The following RPA3 variants were observed in gnomAD, a reference collection of about 807,000 sequenced individuals.
The protein encoded by RPA3 is replication protein A 14 kDa subunit.
A neutral mutation model predicts 13.7 loss-of-function variants in RPA3; 24 were observed. The ratio of observed to expected loss-of-function variants is 1.75; its 90% CI spans 1.27 to 2.46. The LOEUF (loss-of-function observed/expected upper bound fraction) is 2.46, where lower values mean the gene tolerates loss of function less well. RPA3 is among the 30% of genes most tolerant of loss of function. RPA3 has a pLI of 0.00. For synonymous variants in RPA3, 59 were observed against 51.2 expected, an observed-to-expected ratio of 1.15 and a Z score of -0.65; for missense variants, 183 against 151.0, an observed-to-expected ratio of 1.21 and a Z score of -1.11.
rs1488607391 is a variant in RPA3, at chr7:7,686,009, A to T, written c.-926-11T>A. On this transcript the variant is annotated splice_polypyrimidine_tract_variant and intron_variant, in intron 3 of 7. Transcript: ENST00000223129. Reference sequence around the variant, plus strand: ...GGGCCTTGCCCACACCTAGTGAAACAGAATTTTGGGAGCTATAGCCAGAGA... The same window carrying T: ...GGGCCTTGCCCACACCTAGTGAAACTGAATTTTGGGAGCTATAGCCAGAGA... 3 of 152,232 alleles carry T rather than the reference A, an allele frequency of 2.0e-5. No individual in the cohort carries two copies. The highest frequency in any genetic ancestry group is 7.2e-5 in the African/African-American group (3 of 41,470). The allele number at this position is 152,232 out of a possible 1,614,324, so 9.4% of individuals were successfully genotyped here.
At chr7:7,676,248 A>G in intron 4 of RPA3, 1 of 398,418 alleles carries the variant, frequency 2.5e-6, no homozygotes, top group Non-Finnish European at 4.4e-6. Flanking sequence ...ATATCTAGGA[A>G]ATGAGCACGA....
At chr7:7,703,062 A>G (rs1328484346) in intron 2 of RPA3, among the ~76,000 whole-genome samples, 1 of 152,186 alleles carries the variant, frequency 6.6e-6, no homozygotes, top group Non-Finnish European at 1.5e-5. Context: ...TACTACACTG[A>G]GTTTACTGCC....
At chr7:7,684,301 A>T (rs1324461308) in intron 4 of RPA3, among the ~76,000 whole-genome samples, 1 of 151,898 alleles carries the variant, frequency 6.6e-6, no homozygotes, top group Non-Finnish European at 1.5e-5. Context: ...TCCCGCGTTC[A>T]AGCAATTCTC....
chr7:7,676,868 G>A (rs1779754039), intron 4 of RPA3, among the ~76,000 whole-genome samples: 1 of 152,040 alleles, frequency 6.6e-6, no homozygotes, highest in South Asian at 2.1e-4. Flanking sequence ...TGTCTTTAAA[G>A]TTATAGTTAA....
intron 4 of RPA3, among the ~76,000 whole-genome samples, chr7:7,644,291 T>C (rs998080264): frequency 1.1e-4 from 16 of 152,092 alleles, no homozygotes; most frequent in Non-Finnish European, 1.9e-4. Context: ...TAGTGAGATA[T>C]TGTAATGGTA....
intron 4 of RPA3, chr7:7,673,410 G>GCC: frequency 9.2e-7 from 1 of 1,085,058 alleles, no homozygotes; most frequent in East Asian, 2.6e-5. Context: ...AATCTAAAAA[G>GCC]CCCTCAGTAC....
chr7:7,671,978 C>A (rs1279515053), intron 4 of RPA3, among the ~76,000 whole-genome samples: 1 of 152,056 alleles, frequency 6.6e-6, no homozygotes, highest in South Asian at 2.1e-4. Flanking sequence ...TTCTAGCAAC[C>A]AATAGATTCC....
At chr7:7,653,015 T>A (rs1281584093) in intron 4 of RPA3, among the ~76,000 whole-genome samples, 1 of 152,254 alleles carries the variant, frequency 6.6e-6, no homozygotes, top group Non-Finnish European at 1.5e-5. Flanking sequence ...TCTAGAGAGT[T>A]GTAAAGAGGT....
At chr7:7,677,875 G>A (rs993749592) in intron 4 of RPA3, among the ~76,000 whole-genome samples, 26 of 150,984 alleles carry the variant, frequency 1.7e-4, no homozygotes, top group Middle Eastern at 3.4e-3. Flanking sequence ...GGGTTTCACC[G>A]TTTTAGCCGG....
At chr7:7,645,834 C>G (rs1216613828) in intron 4 of RPA3, among the ~76,000 whole-genome samples, 1 of 143,836 alleles carries the variant, frequency 7.0e-6, no homozygotes, top group Non-Finnish European at 1.5e-5. Flanking sequence ...TTTTTTTAAT[C>G]TATGTTCATG....
intron 2 of RPA3, among the ~76,000 whole-genome samples, chr7:7,704,766 C>CAAAAGA (rs1780555383): frequency 5.6e-5 from 1 of 17,826 alleles, no homozygotes; most frequent in African/African-American, 2.1e-4. Flanking sequence ...GACTCCATCT[C>CAAAAGA]AAAAAAAAAA....
At chr7:7,646,798 C>G (rs146077277) in intron 4 of RPA3, among the ~76,000 whole-genome samples, 1 of 152,134 alleles carries the variant, frequency 6.6e-6, no homozygotes, top group Admixed American at 6.5e-5. Context: ...TTCCTCTCTT[C>G]TCTCCTCTGC....
Position 7,709,234 on chromosome 7 carries a change from ATGT to A in RPA3, c.-1028+5938_-1028+5940del, listed in dbSNP as rs1294734939. Among the ~76,000 whole-genome samples, 10 of 152,294 alleles carry A rather than the reference ATGT, an allele frequency of 6.6e-5. 1 individual carries two copies. Among genetic ancestry groups the A allele is most frequent in the African/African-American group, 2.4e-4 (10 of 41,562 alleles). The stretch of plus-strand genomic sequence containing the variant: ...TTTATCTCAATTATATGTGTGAATA[ATGT>A]TATGCATGGGGTTACTTTTAATATG... On this transcript the variant is annotated intron_variant, in intron 2 of 7. Transcript: ENST00000223129.
intron 2 of RPA3, among the ~76,000 whole-genome samples, chr7:7,712,634 T>C (rs1780794588): frequency 1.3e-5 from 2 of 152,320 alleles, no homozygotes; most frequent in African/African-American, 4.8e-5. Context: ...GAATAGTGAG[T>C]TTTGTTTCAT....
At chr7:7,702,397 A>G (rs142255707) in intron 2 of RPA3, among the ~76,000 whole-genome samples, 132 of 152,216 alleles carry the variant, frequency 8.7e-4, no homozygotes, top group African/African-American at 3.1e-3. Flanking sequence ...TATTTTTTAA[A>G]TTGATATTTT....
rs1378874797 is a variant in RPA3, at chr7:7,641,184, A to C, written c.-757-9T>G. On this transcript the variant is annotated splice_polypyrimidine_tract_variant and intron_variant, in intron 4 of 7. Transcript: ENST00000223129. ...TTCTCCACTTTCTCCACCTGTAAGAAGAGAGATTGATCCGATTACTTCTAA... is the reference window on the plus strand; with the variant it reads ...TTCTCCACTTTCTCCACCTGTAAGACGAGAGATTGATCCGATTACTTCTAA... 1 of 152,200 alleles carries C rather than the reference A, an allele frequency of 6.6e-6. No homozygotes were observed. Among genetic ancestry groups the C allele is most frequent in the Non-Finnish European group, 1.5e-5 (1 of 68,048 alleles). 9.4% of individuals were successfully genotyped at this position (152,200 alleles called of 1,614,324 possible). A position where few individuals can be genotyped will look rare whatever the true frequency, so the allele number is the denominator to read the frequency against.
In RPA3 at chr7:7,647,736, G is replaced by A. The variant is rs1785128417; in HGVS notation, c.-757-6561C>T. On this transcript the variant is annotated intron_variant, in intron 4 of 7. Transcript: ENST00000223129. ...CTCAGCTTTCTGAGTAGCTGGGACTGCAGGCACGTGCCATCACACCCAGCT... is the reference window on the plus strand; with the variant it reads ...CTCAGCTTTCTGAGTAGCTGGGACTACAGGCACGTGCCATCACACCCAGCT... 2.6e-5 allele frequency among the ~76,000 whole-genome samples: 4 copies of A among 152,170 alleles called. No homozygotes were observed. In the South Asian group the frequency reaches 8.3e-4, roughly 32 times the overall value.
intron 2 of RPA3, among the ~76,000 whole-genome samples, chr7:7,713,464 G>C (rs1228177438): frequency 1.3e-5 from 2 of 148,748 alleles, no homozygotes; most frequent in South Asian, 4.2e-4. Flanking sequence ...ATTATGTTCT[G>C]CTCCTCCCCC....
intron 4 of RPA3, among the ~76,000 whole-genome samples, chr7:7,659,573 A>G (rs928580580): frequency 2.0e-5 from 3 of 152,186 alleles, no homozygotes; most frequent in Non-Finnish European, 4.4e-5. Context: ...CCCAGTAGTC[A>G]TACAGGAGCA....
Sources: allele counts gnomAD v4.1 joint callset (sites outside exome capture counted in the v4.1 genomes callset), GRCh38; gene constraint gnomAD v4.1.1; transcripts MANE v1.5; gene names NCBI Gene and HGNC (gene_info 2026-07-23, HGNC 2026-07-21).